Variants in FUS observed in about 807,000 individuals in gnomAD.
The protein encoded by FUS is FUS RNA binding protein, also known as RNA-binding protein FUS.
FUS carries 5 observed loss-of-function variants against 82.7 expected under a neutral mutation model. The observed-to-expected ratio is 0.06, with a 90% CI of 0.03 to 0.13. The LOEUF (loss-of-function observed/expected upper bound fraction) is 0.13, where lower values mean the gene tolerates loss of function less well. FUS is among the 10% of genes least tolerant of loss of function. The probability of loss-of-function intolerance (pLI) is 1.00; values close to 1 mark genes in which losing one functional copy is unlikely to be tolerated. For missense variants in FUS, 512 were observed against 707.8 expected (o/e 0.72, Z 3.14); for synonymous variants, 281 against 247.4 (o/e 1.14, Z -1.27).
At chr16:31,181,620 A>C (rs1041351995) in intron 1 of FUS, among the ~76,000 whole-genome samples, 2 of 152,120 alleles carry the variant, frequency 1.3e-5, no homozygotes, top group Admixed American at 1.3e-4. Context: ...AGACTTTCTT[A>C]TTCTGTGGGT....
chr16:31,180,632 C>G (rs2058042633), intron 1 of FUS, among the ~76,000 whole-genome samples: 1 of 152,182 alleles, frequency 6.6e-6, no homozygotes, highest in African/African-American at 2.4e-5. Context: ...CGGGCCCCTC[C>G]CCCTTCGCGG....
chr16:31,184,234 A>G lies in FUS; in HGVS notation c.361A>G (p.Ser121Gly), dbSNP rs759831146. The G allele has an allele frequency of 1.2e-5, 20 of 1,614,026 alleles. No individual in the cohort carries two copies. The Admixed American group carries it at 3.0e-4, about 24-fold the overall frequency. The part of the protein sequence containing the change: ...GSYGSSSQSS[S>G]YGQPQSGSYS... The stretch of plus-strand genomic sequence containing the variant: ...TTACGGTAGCAGTTCTCAGAGCAGC[A>G]GCTATGGGCAGCCCCAGAGTGGGAG... Residue 121 changes from serine (S) to glycine (G), a missense_variant, in exon 5 of 15, where the codon AGC (serine) becomes GGC (glycine). Transcript: ENST00000254108.
intron 6 of FUS, 119 bp downstream of exon 6, chr16:31,185,298 G>A (rs974642025): frequency 7.8e-7 from 1 of 1,279,906 alleles, no homozygotes; most frequent in Non-Finnish European, 1.1e-6. Flanking sequence ...GGATCTGTGA[G>A]GGCTTTGATT....
At chr16:31,194,264 A>T (rs955081797), downstream of FUS, 4 of 529,020 alleles carry the variant, frequency 7.6e-6, no homozygotes, top group Non-Finnish European at 1.5e-5. Flanking sequence ...ACCTTTAGGC[A>T]TGTCTTCCTT....
Position 31,182,441 on chromosome 16 carries a change from C to A in FUS, c.38+19C>A. ...CCCAAAGGTGAGTGCTATTTTTGGGCTTCCAGAGTTTGTAGAGGGCAAGGG... is the reference window on the plus strand; with the variant it reads ...CCCAAAGGTGAGTGCTATTTTTGGGATTCCAGAGTTTGTAGAGGGCAAGGG... On this transcript the variant is annotated intron_variant, in intron 2 of 14. Transcript: ENST00000254108. 1 of 1,614,178 alleles carries A rather than the reference C, an allele frequency of 6.2e-7. No individual in the cohort carries two copies. The highest frequency in any genetic ancestry group is 8.5e-7 in the Non-Finnish European group (1 of 1,180,010).
At chr16:31,183,582 CAG>C (rs754398217) in intron 3 of FUS, 2 of 475,274 alleles carry the variant, frequency 4.2e-6, no homozygotes, top group Non-Finnish European at 7.7e-6. Context: ...GTGCTGTTAA[CAG>C]GGATCCTTGG....
Position 31,191,428 on chromosome 16 carries a change from G to A in FUS, c.1571G>A (p.Arg524Lys), listed in dbSNP as rs544088874. The A allele has an allele frequency of 6.2e-7, 1 of 1,612,658 alleles. No individual in the cohort carries two copies. Among genetic ancestry groups the A allele is most frequent in the East Asian group, 2.2e-5 (1 of 44,834 alleles). Residue 524 changes from arginine to lysine, a missense_variant, in exon 15 of 15, where the codon AGG becomes AAG. Arg to Lys is a conservative substitution (Grantham distance 26). This residue lies in a region of FUS where 96 missense variants were observed against 120.7 expected (regional missense o/e 0.80). Transcript: ENST00000254108. ...RGEHRQDRRERPY is the reference protein window; with the variant it reads ...RGEHRQDRREKPY ...GAGCACAGACAGGATCGCAGGGAGAGGCCGTATTAATTAGCCTGGCTCCCC... is the reference window on the plus strand; with the variant it reads ...GAGCACAGACAGGATCGCAGGGAGAAGCCGTATTAATTAGCCTGGCTCCCC...
chr16:31,184,023 G>T lies in FUS; in HGVS notation c.335+21G>T, dbSNP rs2079221219. 14 of 1,614,018 alleles carry T rather than the reference G, an allele frequency of 8.7e-6. No homozygotes were observed. In the East Asian group the frequency reaches 3.1e-4, roughly 36 times the overall value. The stretch of plus-strand genomic sequence containing the variant: ...GGAAGGTACGGTGGTGTTGATGTCG[G>T]GGAAGGCTTGAAAAGAGGGGTGAAT... On this transcript the variant is annotated intron_variant, in intron 4 of 14. Transcript: ENST00000254108.
At chr16:31,193,955 C>A (rs1455249619), downstream of FUS, 2 of 531,234 alleles carry the variant, frequency 3.8e-6, no homozygotes, top group Non-Finnish European at 7.3e-6. Flanking sequence ...CCAGAATACT[C>A]TATTCTTACT....
intron 7 of FUS, chr16:31,187,472 C>T: frequency 4.4e-6 from 1 of 229,396 alleles, no homozygotes; most frequent in East Asian, 6.3e-5. Flanking sequence ...ACAGCACAAA[C>T]TGAATTCGTG....
At chr16:31,185,382 A>G (rs2079252883) in intron 6 of FUS, 6 of 639,858 alleles carry the variant, frequency 9.4e-6, no homozygotes, top group Non-Finnish European at 1.6e-5. Context: ...TCCCATCCAT[A>G]CCACTGAATA....
At chr16:31,182,491 C>G in intron 2 of FUS, 22 bp from the exon 3 acceptor site, 1 of 1,614,174 alleles carries the variant, frequency 6.2e-7, no homozygotes, top group Non-Finnish European at 8.5e-7. Context: ...TTTCTGATCA[C>G]GCTGGTTTTC....
At chr16:31,194,489 G>T, downstream of FUS, 1 of 500,250 alleles carries the variant, frequency 2.0e-6, no homozygotes, top group Non-Finnish European at 3.9e-6. Flanking sequence ...GTGGAGATGG[G>T]GTCTTGCCAT....
In FUS at chr16:31,183,997, G is replaced by A; in HGVS notation, c.330G>A (p.Ser110=). The A allele has an allele frequency of 4.3e-6, 7 of 1,614,122 alleles. No individual in the cohort carries two copies. The highest frequency in any genetic ancestry group is 5.9e-6 in the Non-Finnish European group (7 of 1,180,026). The change falls in exon 4 of 15, where the codon TCG becomes TCA. Residue 110 remains serine (S), a synonymous_variant. Transcript: ENST00000254108. Reference sequence around the variant, plus strand: ...AGCAGCCAGCTCCCAGCAGCACCTCGGGAAGGTACGGTGGTGTTGATGTCG... The same window carrying A: ...AGCAGCCAGCTCCCAGCAGCACCTCAGGAAGGTACGGTGGTGTTGATGTCG... ...YGQQPAPSST[S]GSYGSSSQSS...
In FUS at chr16:31,184,958, A is replaced by G. The variant is rs865823605; in HGVS notation, c.543A>G (p.Gln181=). The change falls in exon 6 of 15, where the codon CAA becomes CAG. Residue 181 remains glutamine, a synonymous_variant. Transcript: ENST00000254108. ...TCACAGGTAACTATGGCCAAGATCA[A>G]TCCTCCATGAGTAGTGGTGGTGGCA... ...GGGGGNYGQD[Q]SSMSSGGGSG... 44 of 1,613,576 alleles carry G rather than the reference A, an allele frequency of 2.7e-5. No individual in the cohort carries two copies. The highest frequency in any genetic ancestry group is 3.3e-4 in the Middle Eastern group (2 of 6,084).
downstream of FUS, chr16:31,193,744 C>T (rs762969549): frequency 2.1e-5 from 11 of 531,880 alleles, no homozygotes; most frequent in Non-Finnish European, 3.3e-5. Flanking sequence ...GCCAACCTCC[C>T]ACCTCAGCCT....
chr16:31,187,629 A>G, intron 7 of FUS: 1 of 232,212 alleles, frequency 4.3e-6, no homozygotes, highest in East Asian at 6.1e-5. Context: ...GTGTGGGTTC[A>G]TGACTTAGGT....
At chr16:31,194,614 T>A (rs746937981), downstream of FUS, 1 of 492,504 alleles carries the variant, frequency 2.0e-6, no homozygotes, top group South Asian at 1.5e-5. Flanking sequence ...TATGAAAATT[T>A]TATTTTTAAT....
At chr16:31,191,255 T>A in intron 14 of FUS, 144 bp from the exon 15 acceptor site, 1 of 1,473,810 alleles carries the variant, frequency 6.8e-7, no homozygotes, top group Non-Finnish European at 9.4e-7. Context: ...GAAGGAAAAT[T>A]AACTCAGGGG....
Sources: allele counts gnomAD v4.1 joint callset (sites outside exome capture counted in the v4.1 genomes callset), GRCh38; gene constraint gnomAD v4.1.1; regional missense constraint gnomAD v4.1.1; transcripts MANE v1.5; gene names NCBI Gene and HGNC (gene_info 2026-07-23, HGNC 2026-07-21).